IGFBP7: variants seen among roughly 807,000 people sequenced by gnomAD.
IGFBP7 encodes the protein insulin-like growth factor-binding protein 7.
In IGFBP7, 31 loss-of-function variants were observed where a neutral mutation model predicts 29.4. The ratio of observed to expected loss-of-function variants is 1.05; its 90% CI spans 0.79 to 1.42. The LOEUF is 1.42. IGFBP7 is among the 40% of genes most tolerant of loss of function. The pLI, the probability that IGFBP7 is intolerant of heterozygous loss-of-function variation, is 0.00. For missense variants in IGFBP7, 393 were observed against 395.5 expected (o/e 0.99, Z 0.05); for synonymous variants, 172 against 174.9 (o/e 0.98, Z 0.13).
chr4:57,033,388 T>C, intron 2 of IGFBP7, 77 bp from the exon 3 acceptor site: 2 of 893,840 alleles, frequency 2.2e-6, no homozygotes, highest in South Asian at 1.3e-5. Context: ...ATCCCTACAA[T>C]TGCACATAGT....
chr4:57,040,721 C>T (rs1724200321), intron 2 of IGFBP7, 103 bp downstream of exon 2: 8 of 859,558 alleles, frequency 9.3e-6, no homozygotes, highest in South Asian at 2.8e-5. Flanking sequence ...TTGCGGGAGC[C>T]GCAGTCAACA....
chr4:57,110,018 C>T lies in IGFBP7; in HGVS notation c.334G>A (p.Val112Met), dbSNP rs1372333397. Residue 112 changes from valine (V) to methionine (M), a missense_variant, in exon 1 of 5, where the codon GTG (valine) becomes ATG (methionine). Coordinates refer to ENST00000295666, the MANE Select transcript of IGFBP7 (RefSeq NM_001553.3). ...CACACCGGGTAGCGGCTCTTGCACACGCACACGCCGCTTACACCCGGACCG... is the reference window on the plus strand; with the variant it reads ...CACACCGGGTAGCGGCTCTTGCACATGCACACGCCGCTTACACCCGGACCG... ...AGGPGVSGVC[V>M]CKSRYPVCGS... 3 of 1,552,378 alleles carry T rather than the reference C, an allele frequency of 1.9e-6. No homozygotes were observed. The African/African-American group carries it at 4.1e-5, about 21-fold the overall frequency.
chr4:57,105,313 A>C (rs1309514549), intron 1 of IGFBP7, among the ~76,000 whole-genome samples: 1 of 152,230 alleles, frequency 6.6e-6, no homozygotes, highest in East Asian at 1.9e-4. Context: ...TATCTTATTC[A>C]AGGCTACTTA....
intron 1 of IGFBP7, among the ~76,000 whole-genome samples, chr4:57,102,374 A>G (rs1725920945): frequency 6.6e-6 from 1 of 152,222 alleles, no homozygotes; most frequent in Non-Finnish European, 1.5e-5. Flanking sequence ...GTATAGTTTA[A>G]GAGATTTAAA....
At chr4:57,079,872 C>T (rs1725321311) in intron 1 of IGFBP7, among the ~76,000 whole-genome samples, 1 of 152,192 alleles carries the variant, frequency 6.6e-6, no homozygotes, top group Non-Finnish European at 1.5e-5. Context: ...ACAGTGCAGG[C>T]TCATCCATAT....
At chr4:57,065,546 C>T (rs1420122143) in intron 1 of IGFBP7, 1 of 152,418 alleles carries the variant, frequency 6.6e-6, no homozygotes, top group East Asian at 1.9e-4. Context: ...AAGGCAGCTC[C>T]AGAGACTATC....
chr4:57,073,923 A>G (rs547138614), intron 1 of IGFBP7, among the ~76,000 whole-genome samples: 34 of 152,296 alleles, frequency 2.2e-4, no homozygotes, highest in African/African-American at 8.2e-4. Flanking sequence ...AGGGAAGAGG[A>G]AAGATGGGAG....
At chr4:57,058,041 G>A (rs1406539462) in intron 1 of IGFBP7, among the ~76,000 whole-genome samples, 1 of 152,086 alleles carries the variant, frequency 6.6e-6, no homozygotes, top group Non-Finnish European at 1.5e-5. Flanking sequence ...AGGGAGTCAT[G>A]GTCTGTGGAA....
chr4:57,108,473 C>A (rs911042334), intron 1 of IGFBP7, among the ~76,000 whole-genome samples: 4 of 152,080 alleles, frequency 2.6e-5, no homozygotes, highest in African/African-American at 9.7e-5. Flanking sequence ...TTATTTCAGG[C>A]ATTAGAGTTA....
At chr4:57,070,906 C>T (rs761247853) in intron 1 of IGFBP7, among the ~76,000 whole-genome samples, 3 of 152,216 alleles carry the variant, frequency 2.0e-5, no homozygotes, top group Non-Finnish European at 4.4e-5. Flanking sequence ...ACACACATCT[C>T]AATGTATTAA....
chr4:57,102,998 A>C (rs1460152796), intron 1 of IGFBP7, among the ~76,000 whole-genome samples: 1 of 152,174 alleles, frequency 6.6e-6, no homozygotes, highest in Non-Finnish European at 1.5e-5. Flanking sequence ...AGGACTGGCT[A>C]ATAAGGCAAG....
At chr4:57,038,184 T>A (rs1008986277) in intron 2 of IGFBP7, among the ~76,000 whole-genome samples, 1 of 152,182 alleles carries the variant, frequency 6.6e-6, no homozygotes, top group African/African-American at 2.4e-5. Context: ...TCCGGCCGCA[T>A]GGGGGAGCCA....
At chr4:57,087,635 G>A (rs1470011302) in intron 1 of IGFBP7, among the ~76,000 whole-genome samples, 2 of 152,210 alleles carry the variant, frequency 1.3e-5, no homozygotes, top group Non-Finnish European at 2.9e-5. Flanking sequence ...AACTGACTGG[G>A]CATATTTGAG....
At chr4:57,044,543 G>C (rs745979221) in intron 1 of IGFBP7, among the ~76,000 whole-genome samples, 1 of 152,194 alleles carries the variant, frequency 6.6e-6, no homozygotes, top group Non-Finnish European at 1.5e-5. Context: ...CTATGAGGCA[G>C]AGGTCAAGTT....
chr4:57,083,077 A>G (rs1725409885), intron 1 of IGFBP7, among the ~76,000 whole-genome samples: 2 of 152,236 alleles, frequency 1.3e-5, no homozygotes, highest in South Asian at 4.1e-4. Context: ...GATGTTCCAA[A>G]TTCTTCTATA....
Position 57,084,788 on chromosome 4 carries a change from GTT to G in IGFBP7, c.475+25087_475+25088del, listed in dbSNP as rs57704332. ...CTTTTTACTCAGATGTTTAAAAAAG[GTT>G]TTTTTTTTTTTTTTTTTTGGGACAA... On this transcript the variant is annotated intron_variant, in intron 1 of 4. Transcript: ENST00000295666. Among the ~76,000 whole-genome samples, 11 of 113,076 alleles carry G rather than the reference GTT, an allele frequency of 9.7e-5. 2 individuals are homozygous for G. The highest frequency in any genetic ancestry group is 0.011 in the Middle Eastern group (2 of 186). The allele number at this position is 113,076 out of a possible 152,430, so 74.2% of individuals were successfully genotyped here.
chr4:57,084,075 C>T (rs952860395), intron 1 of IGFBP7, among the ~76,000 whole-genome samples: 3 of 152,280 alleles, frequency 2.0e-5, no homozygotes, highest in Non-Finnish European at 4.4e-5. Context: ...CCCTACCACT[C>T]ATTTTATGTG....
At chr4:57,098,953 C>T (rs1468744014) in intron 1 of IGFBP7, among the ~76,000 whole-genome samples, 1 of 152,206 alleles carries the variant, frequency 6.6e-6, no homozygotes, top group African/African-American at 2.4e-5. Context: ...CTTGAAGCCT[C>T]ATTTCTGTGT....
At chr4:57,052,007 G>A (rs35377510) in intron 1 of IGFBP7, among the ~76,000 whole-genome samples, 3 of 152,126 alleles carry the variant, frequency 2.0e-5, no homozygotes, top group Non-Finnish European at 4.4e-5. Context: ...TGTGGTGTAG[G>A]GCACAGCAGA....
Sources: gnomAD v4.1 joint callset for allele counts (sites outside exome capture counted in the v4.1 genomes callset) on GRCh38, gnomAD v4.1.1 for gene constraint, MANE v1.5 for transcripts, NCBI Gene and HGNC (gene_info 2026-07-23, HGNC 2026-07-21) for gene names.